Variants in VPS13B observed in about 807,000 individuals in gnomAD.
VPS13B encodes intermembrane lipid transfer protein VPS13B.
In VPS13B, 285 loss-of-function variants were observed where a neutral mutation model predicts 426.4. The observed-to-expected ratio is 0.67, with a 90% CI of 0.61 to 0.74. The LOEUF (loss-of-function observed/expected upper bound fraction) is 0.74, where lower values mean the gene tolerates loss of function less well. Ranked by LOEUF, VPS13B falls within the 30% of genes least tolerant of loss-of-function variation. The probability of loss-of-function intolerance (pLI) is 0.00; values close to 1 mark genes in which losing one functional copy is unlikely to be tolerated. For synonymous variants in VPS13B, 1,676 were observed against 1,676.4 expected, an observed-to-expected ratio of 1.00 and a Z score of 0.01; for missense variants, 4,537 against 4,782.6, an observed-to-expected ratio of 0.95 and a Z score of 1.51.
At chr8:99,859,507 T>G (rs778123732) in intron 57 of VPS13B, 27 bp downstream of exon 57, 3 of 1,609,458 alleles carry the variant, frequency 1.9e-6, no homozygotes, top group Non-Finnish European at 2.5e-6. Flanking sequence ...CTTGTAATAA[T>G]GCCTTCACTC....
At chr8:99,101,732 G>A (rs1356934126) in intron 4 of VPS13B, among the ~76,000 whole-genome samples, 2 of 152,306 alleles carry the variant, frequency 1.3e-5, no homozygotes, top group Middle Eastern at 3.4e-3. Flanking sequence ...GAATGAAGGA[G>A]TTGGGTTTTG....
At chr8:99,043,220 C>A (rs1479230730) in intron 3 of VPS13B, among the ~76,000 whole-genome samples, 1 of 151,760 alleles carries the variant, frequency 6.6e-6, no homozygotes, top group East Asian at 1.9e-4. Flanking sequence ...TTTGATCTGG[C>A]CATCAATGTG....
intron 29 of VPS13B, 141 bp from the exon 30 acceptor site, chr8:99,520,758 G>T: frequency 1.8e-6 from 1 of 567,284 alleles, no homozygotes. Context: ...TTTTAAACAT[G>T]ATTTTTTTTC....
chr8:99,116,451 T>C lies in VPS13B; in HGVS notation c.937+577T>C, dbSNP rs190676437. On this transcript the variant is annotated intron_variant, in intron 7 of 61. Coordinates refer to ENST00000357162, the MANE Select transcript of VPS13B (RefSeq NM_152564.5). ...TCAGAATGTACTACTTATTTATTTA[T>C]GAATGAGGGTTTTGCTCTGTCACCC... 2.5e-4 allele frequency among the ~76,000 whole-genome samples: 38 copies of C among 152,300 alleles called. No homozygotes were observed. In the East Asian group the frequency reaches 6.7e-3, roughly 27 times the overall value.
intron 51 of VPS13B, among the ~76,000 whole-genome samples, chr8:99,825,632 T>G (rs748293530): frequency 2.6e-5 from 4 of 152,242 alleles, no homozygotes; most frequent in Admixed American, 6.5e-5. Flanking sequence ...GTTTTAGTCA[T>G]GAAGTCTTTG....
In VPS13B at chr8:99,612,718, C is replaced by T. The variant is rs372512698; in HGVS notation, c.5221-29093C>T. Reference sequence around the variant, plus strand: ...ACAGTTGTTTGGAAATGTTTTAGAACGTCAGCATTACTAAAGGTCTACACT... The same window carrying T: ...ACAGTTGTTTGGAAATGTTTTAGAATGTCAGCATTACTAAAGGTCTACACT... On this transcript the variant is annotated intron_variant, in intron 33 of 61. Transcript: ENST00000357162. 2.4e-4 allele frequency among the ~76,000 whole-genome samples: 36 copies of T among 152,190 alleles called. No individual in the cohort carries two copies. In the East Asian group the frequency reaches 4.2e-3, roughly 18 times the overall value.
intron 44 of VPS13B, among the ~76,000 whole-genome samples, chr8:99,811,933 T>C (rs933364781): frequency 6.6e-6 from 1 of 152,182 alleles, no homozygotes; most frequent in South Asian, 2.1e-4. Flanking sequence ...TGAAATGTTA[T>C]CAGGCATGAG....
chr8:99,319,910 G>A (rs1809881617), intron 19 of VPS13B, among the ~76,000 whole-genome samples: 1 of 152,114 alleles, frequency 6.6e-6, no homozygotes, highest in Non-Finnish European at 1.5e-5. Flanking sequence ...TGCTTCATGT[G>A]GGATGGGACT....
intron 25 of VPS13B, among the ~76,000 whole-genome samples, chr8:99,486,104 G>C (rs1820290983): frequency 2.0e-5 from 3 of 152,116 alleles, no homozygotes; most frequent in Admixed American, 2.0e-4. Context: ...GACTGCTTTT[G>C]CCAGGGTGCT....
chr8:99,260,044 A>G (rs1423370529), intron 17 of VPS13B, among the ~76,000 whole-genome samples: 1 of 152,120 alleles, frequency 6.6e-6, no homozygotes, highest in Non-Finnish European at 1.5e-5. Context: ...GGACTACAGA[A>G]TTTTTATAAT....
intron 19 of VPS13B, among the ~76,000 whole-genome samples, chr8:99,380,931 G>T (rs1588312294): frequency 6.7e-6 from 1 of 148,906 alleles, no homozygotes; most frequent in African/African-American, 2.5e-5. Context: ...GGATACAAGT[G>T]CCTGTTTATA....
At chr8:99,428,420 T>C (rs901317936) in intron 21 of VPS13B, among the ~76,000 whole-genome samples, 1 of 151,962 alleles carries the variant, frequency 6.6e-6, no homozygotes, top group Non-Finnish European at 1.5e-5. Context: ...GAATCTACAA[T>C]GAACTCAAAC....
intron 36 of VPS13B, among the ~76,000 whole-genome samples, 163 bp downstream of exon 36, chr8:99,700,095 AT>A (rs1172456610): frequency 6.6e-6 from 1 of 152,218 alleles, no homozygotes; most frequent in Non-Finnish European, 1.5e-5. Flanking sequence ...TTTAGAGATA[AT>A]TTTAGAACAA....
chr8:99,203,700 G>A (rs141999925), intron 17 of VPS13B, among the ~76,000 whole-genome samples: 2,309 of 152,220 alleles, frequency 0.015, 24 homozygotes, highest in Non-Finnish European at 0.02. Flanking sequence ...AAAATCACAA[G>A]CATTCCTATA....
chr8:99,157,539 G>C (rs965337306), intron 15 of VPS13B, among the ~76,000 whole-genome samples: 2 of 151,898 alleles, frequency 1.3e-5, no homozygotes, highest in African/African-American at 4.8e-5. Context: ...GTGTGTTCTG[G>C]GTCCTCCACT....
At chr8:99,772,695 TTA>T (rs1456708363) in intron 40 of VPS13B, among the ~76,000 whole-genome samples, 1 of 152,238 alleles carries the variant, frequency 6.6e-6, no homozygotes, top group Non-Finnish European at 1.5e-5. Flanking sequence ...TTCCCCTGTT[TTA>T]TATGTGTATA....
chr8:99,620,255 C>G (rs1828291934), intron 33 of VPS13B, among the ~76,000 whole-genome samples: 3 of 152,150 alleles, frequency 2.0e-5, no homozygotes, highest in Admixed American at 2.0e-4. Context: ...CAAAATTCTT[C>G]TTAAGACAGC....
chr8:99,585,557 A>G (rs975348756), intron 33 of VPS13B, among the ~76,000 whole-genome samples: 1 of 152,190 alleles, frequency 6.6e-6, no homozygotes, highest in Non-Finnish European at 1.5e-5. Flanking sequence ...GTAAAGCACT[A>G]TATCGGTAGA....
chr8:99,832,530 T>C lies in VPS13B; in HGVS notation c.9492T>C (p.Ser3164=), dbSNP rs36074608. 0.18 allele frequency: 288,206 copies of C among 1,613,574 alleles called. 28,588 individuals carry two copies. Among genetic ancestry groups the C allele is most frequent in the Admixed American group, 0.37 (22,117 of 59,954 alleles). ...LLQKQIMLGF[S]PAPGADSSQC... ...AGAAACAGATCATGCTGGGCTTTTC[T>C]CCTGCCCCAGGTGCTGACAGCTCAC... The change falls in exon 52 of 62, where the codon TCT becomes TCC. Residue 3164 remains serine (S), a synonymous_variant. Coordinates refer to ENST00000357162, the MANE Select transcript of VPS13B (RefSeq NM_152564.5).
Sources: gnomAD v4.1 joint callset for allele counts (sites outside exome capture counted in the v4.1 genomes callset) on GRCh38, gnomAD v4.1.1 for gene constraint, MANE v1.5 for transcripts, NCBI Gene and HGNC (gene_info 2026-07-23, HGNC 2026-07-21) for gene names.